TNKS2: variants seen among roughly 807,000 people sequenced by gnomAD.
The protein encoded by TNKS2 is tankyrase 2.
Under a neutral mutation model 137.6 loss-of-function variants are expected in TNKS2, and 72 were observed. The ratio of observed to expected loss-of-function variants is 0.52; its 90% CI spans 0.43 to 0.64. The LOEUF is 0.64. Ranked by LOEUF, TNKS2 falls within the 30% of genes least tolerant of loss-of-function variation. TNKS2 has a pLI of 0.00. For synonymous variants in TNKS2, 516 were observed against 512.1 expected (o/e 1.01, Z -0.10); for missense variants, 1,049 against 1,410.2 (o/e 0.74, Z 4.10).
intron 1 of TNKS2, among the ~76,000 whole-genome samples, chr10:91,808,352 G>T (rs963880458): frequency 1.3e-5 from 2 of 152,014 alleles, no homozygotes; most frequent in Non-Finnish European, 2.9e-5. Context: ...GTATATTATA[G>T]TTGGGAAAGG....
chr10:91,805,251 TGTA>T (rs1184280074), intron 1 of TNKS2, among the ~76,000 whole-genome samples: 1 of 152,208 alleles, frequency 6.6e-6, no homozygotes, highest in African/African-American at 2.4e-5. Flanking sequence ...ACTCACATAT[TGTA>T]GTCCTTACAG....
intron 7 of TNKS2, among the ~76,000 whole-genome samples, chr10:91,823,448 C>G (rs562012084): frequency 6.6e-6 from 1 of 151,150 alleles, no homozygotes; most frequent in Non-Finnish European, 1.5e-5. Flanking sequence ...CTGCCTCAGC[C>G]TCCCAAGTAC....
chr10:91,845,770 C>G lies in TNKS2; in HGVS notation c.2188C>G (p.Leu730Val), dbSNP rs369439385. 33 of 1,550,432 alleles carry G rather than the reference C, an allele frequency of 2.1e-5. No homozygotes were observed. The highest frequency in any genetic ancestry group is 1.7e-4 in the Middle Eastern group (1 of 5,834). Residue 730 changes from leucine to valine, a missense_variant, in exon 18 of 27, where the codon CTA becomes GTA. Around this residue, in one of 6 missense-constraint regions of TNKS2, gnomAD observed 328 missense variants for 436.0 expected, o/e 0.75. Coordinates refer to ENST00000371627, the MANE Select transcript of TNKS2 (RefSeq NM_025235.4). Reference protein sequence around the residue: ...ASYGHVDVAALLIKYNACVNA... With the variant: ...ASYGHVDVAAVLIKYNACVNA... ...TTTACAGCATGTAGATGTAGCAGCT[C>G]TACTAATAAAGTATAATGCATGTGT...
intron 1 of TNKS2, among the ~76,000 whole-genome samples, chr10:91,811,144 T>C (rs1461559739): frequency 6.6e-6 from 1 of 151,814 alleles, no homozygotes; most frequent in East Asian, 2.0e-4. Flanking sequence ...CAGGCTGGTC[T>C]CGAACTCCTG....
intron 21 of TNKS2, among the ~76,000 whole-genome samples, chr10:91,854,704 G>A (rs937142564): frequency 1.2e-4 from 18 of 152,022 alleles, no homozygotes; most frequent in Admixed American, 6.5e-5. Context: ...GGGAGTTCGA[G>A]ACCAGCCTGA....
rs764890965 is a variant in TNKS2, at chr10:91,848,598, T to C, written c.2574T>C (p.Ser858=). ...FSELSSVVSS[S]GTEGASSLEK... Reference sequence around the variant, plus strand: ...AACTGTCTTCAGTAGTTAGTTCAAGTGGAACAGAGGGTGCTTCCAGTTTGG... The same window carrying C: ...AACTGTCTTCAGTAGTTAGTTCAAGCGGAACAGAGGGTGCTTCCAGTTTGG... Residue 858 remains serine (S), a synonymous_variant, in exon 19 of 27, where the codon AGT becomes AGC. Transcript: ENST00000371627. 5.0e-6 allele frequency: 8 copies of C among 1,614,170 alleles called. No individual in the cohort carries two copies. The highest frequency in any genetic ancestry group is 6.8e-6 in the Non-Finnish European group (8 of 1,180,014).
At chr10:91,836,357 T>C (rs1842018668) in intron 12 of TNKS2, among the ~76,000 whole-genome samples, 2 of 152,170 alleles carry the variant, frequency 1.3e-5, no homozygotes, top group African/African-American at 4.8e-5. Flanking sequence ...CTTTAATCCA[T>C]CTGGAGTTTA....
At chr10:91,809,962 C>G (rs1436758489) in intron 1 of TNKS2, among the ~76,000 whole-genome samples, 1 of 152,144 alleles carries the variant, frequency 6.6e-6, no homozygotes, top group Non-Finnish European at 1.5e-5. Context: ...AAGGAGGATT[C>G]AACCAGAATA....
At chr10:91,802,830 G>A (rs370861825) in intron 1 of TNKS2, among the ~76,000 whole-genome samples, 5 of 152,184 alleles carry the variant, frequency 3.3e-5, no homozygotes, top group African/African-American at 4.8e-5. Flanking sequence ...TTTTTGCTAT[G>A]GGAGATAAAT....
At chr10:91,831,379 T>C (rs942578363) in intron 11 of TNKS2, among the ~76,000 whole-genome samples, 198 bp downstream of exon 11, 1 of 152,248 alleles carries the variant, frequency 6.6e-6, no homozygotes, top group Non-Finnish European at 1.5e-5. Flanking sequence ...TTTATTCAGA[T>C]ACACATTCCT....
In TNKS2 at chr10:91,798,474, G is replaced by T. The variant is rs1050650743; in HGVS notation, c.-217G>T. 2.6e-5 allele frequency: 10 copies of T among 391,074 alleles called. No individual in the cohort carries two copies. The highest frequency in any genetic ancestry group is 1.7e-4 in the African/African-American group (8 of 47,142). The allele number at this position is 391,074 out of a possible 1,614,324, so 24.2% of individuals were successfully genotyped here. A position where few individuals can be genotyped will look rare whatever the true frequency, so the allele number is the denominator to read the frequency against. ...AGGACCCGGACGGCGGATTCGCGCT[G>T]CCTCCGCCGCCGCGGGGCAGCCGGG... On this transcript the variant is annotated 5_prime_UTR_variant, in exon 1 of 27. Transcript: ENST00000371627.
chr10:91,862,589 A>C (rs1336385040), intron 26 of TNKS2, among the ~76,000 whole-genome samples: 5 of 152,188 alleles, frequency 3.3e-5, no homozygotes, highest in Non-Finnish European at 5.9e-5. Context: ...GCCTGTCCAT[A>C]GCAAAGAAGT....
At chr10:91,861,848 TC>T (rs1262773064) in intron 25 of TNKS2, 150 bp from the exon 26 acceptor site, 1 of 604,928 alleles carries the variant, frequency 1.7e-6, no homozygotes, top group Non-Finnish European at 2.7e-6. Context: ...TAGAAGACAT[TC>T]TTAAAAAGTT....
intron 1 of TNKS2, 52 bp downstream of exon 1, chr10:91,798,941 C>G (rs1347310179): frequency 2.7e-5 from 36 of 1,316,944 alleles, no homozygotes; most frequent in Non-Finnish European, 2.6e-5. Context: ...CCTGCGCAGC[C>G]GGGGCCCACA....
rs1842895959 is a variant in TNKS2, at chr10:91,863,134, A to T, written c.*135A>T. 37 of 590,262 alleles carry T rather than the reference A, an allele frequency of 6.3e-5. 1 individual carries two copies. The South Asian group carries it at 8.3e-4, about 13-fold the overall frequency. The allele number at this position is 590,262 out of a possible 1,614,324, so 36.6% of individuals were successfully genotyped here. ...GGCAAAAGGATAAAAATGTGAACGA[A>T]GTTTAACATTCTGACTTGATAAAGC... On this transcript the variant is annotated 3_prime_UTR_variant, in exon 27 of 27. Coordinates refer to ENST00000371627, the MANE Select transcript of TNKS2 (RefSeq NM_025235.4).
rs942897082 is a variant in TNKS2 at position 91,819,667 on chromosome 10, A to C, written c.633+110A>C. The C allele has an allele frequency of 5.5e-6, 5 of 911,778 alleles. No homozygotes were observed. The African/African-American group carries it at 8.5e-5, about 15-fold the overall frequency. 56.5% of individuals were successfully genotyped at this position (911,778 alleles called of 1,614,324 possible). ...TATTTGAAGAGAGTGCTGATGTTTT[A>C]AGTGTTTCAGTATTTTCAGTATTTC... On this transcript the variant is annotated intron_variant, in intron 5 of 26. Transcript: ENST00000371627.
chr10:91,815,035 A>G (rs1037974376), intron 2 of TNKS2, among the ~76,000 whole-genome samples: 4 of 152,228 alleles, frequency 2.6e-5, no homozygotes, highest in Non-Finnish European at 4.4e-5. Context: ...TAAGAAAAAT[A>G]TACAGTATGT....
chr10:91,860,062 T>TA (rs1564632187), intron 25 of TNKS2, among the ~76,000 whole-genome samples: 1 of 152,210 alleles, frequency 6.6e-6, no homozygotes, highest in African/African-American at 2.4e-5. Flanking sequence ...TCCACTGTGA[T>TA]ACGATCCTAA....
Position 91,806,429 on chromosome 10 carries a change from T to C in TNKS2, c.200-6554T>C, listed in dbSNP as rs570958604. Among the ~76,000 whole-genome samples the C allele has an allele frequency of 4.5e-3, 687 of 152,174 alleles. 9 individuals are homozygous for C. The highest frequency in any genetic ancestry group is 0.015 in the African/African-American group (643 of 41,496). On this transcript the variant is annotated intron_variant, in intron 1 of 26. Coordinates refer to ENST00000371627, the MANE Select transcript of TNKS2 (RefSeq NM_025235.4). ...TCTGAGAAACTACAGATGGAAAATA[T>C]GTAGTAAATATTTCTGTAATATGGT...
Sources: allele counts gnomAD v4.1 joint callset (sites outside exome capture counted in the v4.1 genomes callset), GRCh38; gene constraint gnomAD v4.1.1; regional missense constraint gnomAD v4.1.1; transcripts MANE v1.5; gene names NCBI Gene and HGNC (gene_info 2026-07-23, HGNC 2026-07-21).